Variants in QSER1 observed in about 807,000 individuals in gnomAD.
QSER1 encodes the protein glutamine and serine rich 1, also known as glutamine and serine-rich protein 1.
In QSER1, 49 loss-of-function variants were observed where a neutral mutation model predicts 158.5. The observed-to-expected ratio is 0.31, with a 90% confidence interval of 0.25 to 0.39. The LOEUF (loss-of-function observed/expected upper bound fraction) is 0.39. Ranked by LOEUF, QSER1 falls within the 10% of genes least tolerant of loss-of-function variation. The pLI is 1.00. For synonymous variants in QSER1, 650 were observed against 715.5 expected (o/e 0.91, Z 1.46); for missense variants, 1,754 against 2,010.3 (o/e 0.87, Z 2.44).
chr11:32,952,740 A>T (rs1852443626), intron 4 of QSER1, among the ~76,000 whole-genome samples: 1 of 150,832 alleles, frequency 6.6e-6, no homozygotes. Context: ...GGGATGTTTT[A>T]AAATTACTTT....
At chr11:32,967,437 C>G (rs571357929) in intron 9 of QSER1, among the ~76,000 whole-genome samples, 2 of 152,198 alleles carry the variant, frequency 1.3e-5, no homozygotes. Flanking sequence ...ACAGCTCATC[C>G]ATGTAACCCA....
intron 2 of QSER1, 100 bp from the exon 3 acceptor site, chr11:32,927,862 G>C (rs1851994385): frequency 2.3e-6 from 1 of 428,252 alleles, no homozygotes; most frequent in African/African-American, 2.0e-5. Flanking sequence ...GAATGTTTTG[G>C]CCTTAATTTT....
intron 4 of QSER1, among the ~76,000 whole-genome samples, chr11:32,948,749 A>G (rs940399199): frequency 6.6e-6 from 1 of 152,144 alleles, no homozygotes; most frequent in African/African-American, 2.4e-5. Context: ...TTTTAAAAAA[A>G]TTTTGCTTTT....
intron 4 of QSER1, among the ~76,000 whole-genome samples, chr11:32,948,710 TTCCCTC>T (rs1378395218): frequency 6.6e-6 from 1 of 152,220 alleles, no homozygotes; most frequent in Non-Finnish European, 1.5e-5. Context: ...TTGATGAACT[TTCCCTC>T]TACTAGAAGT....
intron 4 of QSER1, among the ~76,000 whole-genome samples, chr11:32,952,265 T>C (rs1564941660): frequency 6.6e-6 from 1 of 152,242 alleles, no homozygotes; most frequent in African/African-American, 2.4e-5. Context: ...ACTGATTTTT[T>C]CTAAATGTCC....
intron 10 of QSER1, 64 bp from the exon 11 acceptor site, chr11:32,973,333 T>C (rs1326339364): frequency 9.1e-6 from 14 of 1,535,496 alleles, no homozygotes; most frequent in South Asian, 3.5e-5. Flanking sequence ...AAATTTTAGA[T>C]AGCTAGAAGT....
At chr11:32,953,004 T>C (rs1297529107) in intron 4 of QSER1, among the ~76,000 whole-genome samples, 1 of 152,002 alleles carries the variant, frequency 6.6e-6, no homozygotes, top group East Asian at 1.9e-4. Context: ...GGTTTCACCA[T>C]GTTGGTCAGG....
chr11:32,898,082 C>G (rs747670163), intron 1 of QSER1, among the ~76,000 whole-genome samples: 1 of 152,190 alleles, frequency 6.6e-6, no homozygotes, highest in Non-Finnish European at 1.5e-5. Context: ...TCTTCTTATA[C>G]CATCCAGAGT....
intron 1 of QSER1, among the ~76,000 whole-genome samples, chr11:32,911,735 T>C (rs1055376440): frequency 6.6e-6 from 1 of 152,232 alleles, no homozygotes; most frequent in African/African-American, 2.4e-5. Context: ...TCTGCCATGA[T>C]TGTAAGTTTC....
intron 1 of QSER1, among the ~76,000 whole-genome samples, chr11:32,914,738 C>T (rs1380625531): frequency 6.6e-6 from 1 of 152,178 alleles, no homozygotes; most frequent in Non-Finnish European, 1.5e-5. Flanking sequence ...TTTTATCTTA[C>T]AGTCATATAC....
intron 3 of QSER1, among the ~76,000 whole-genome samples, chr11:32,929,853 G>T (rs894632593): frequency 3.9e-5 from 6 of 152,178 alleles, no homozygotes; most frequent in African/African-American, 1.4e-4. Context: ...AAGTGAGAAA[G>T]ATCTTTTATC....
rs751977700 is a variant in QSER1 at position 32,934,738 on chromosome 11, C to T, written c.3480C>T (p.Asp1160=). ...GTGAATTTACCTTAGGGGGTGACGA[C>T]AGTGGTGTGTCAATGAACCCAGCTA... is the stretch of plus-strand genomic sequence containing the variant. ...SESEFTLGGD[D]SGVSMNPARS... The change falls in exon 4 of 13, where the codon GAC becomes GAT. Residue 1160 remains aspartate (D), a synonymous_variant. Coordinates refer to ENST00000650167, the MANE Select transcript of QSER1 (RefSeq NM_001076786.3). 2 of 1,613,804 alleles carry T rather than the reference C, an allele frequency of 1.2e-6. No individual in the cohort carries two copies. The highest frequency in any genetic ancestry group is 1.1e-5 in the South Asian group (1 of 91,038).
Position 32,933,248 on chromosome 11 carries a change from A to G in QSER1, c.1990A>G (p.Asn664Asp). ...ASSTHCQTLQNNITSPDPKSY... is the reference protein window; with the variant it reads ...ASSTHCQTLQDNITSPDPKSY... ...CTCTACTCATTGTCAGACATTACAA[A>G]ATAACATAACTTCCCCTGACCCAAA... The change falls in exon 4 of 13, where the codon AAT becomes GAT. Residue 664 changes from asparagine to aspartate, a missense_variant. By Grantham distance (23) the Asn-to-Asp change is conservative (BLOSUM62 1). Coordinates refer to ENST00000650167, the MANE Select transcript of QSER1 (RefSeq NM_001076786.3). 6.2e-7 allele frequency: 1 copy of G among 1,613,684 alleles called. No homozygotes were observed. Among genetic ancestry groups the G allele is most frequent in the Non-Finnish European group, 8.5e-7 (1 of 1,179,928 alleles).
At chr11:32,945,333 G>A (rs1298066529) in intron 4 of QSER1, among the ~76,000 whole-genome samples, 2 of 151,948 alleles carry the variant, frequency 1.3e-5, no homozygotes, top group East Asian at 1.9e-4. Flanking sequence ...TCCCAGTCTC[G>A]ATGGTCTTTA....
intron 8 of QSER1, among the ~76,000 whole-genome samples, chr11:32,960,592 A>C (rs998586259): frequency 2.0e-5 from 3 of 152,164 alleles, no homozygotes; most frequent in Non-Finnish European, 4.4e-5. Context: ...TATAATCAGA[A>C]TAGGTAAGGA....
chr11:32,967,192 C>A (rs760015538), intron 9 of QSER1, among the ~76,000 whole-genome samples: 9 of 152,116 alleles, frequency 5.9e-5, no homozygotes, highest in Non-Finnish European at 1.3e-4. Context: ...TTGGGTGGAA[C>A]TGGAGGTCAT....
intron 1 of QSER1, among the ~76,000 whole-genome samples, chr11:32,896,404 G>A (rs1288527239): frequency 6.6e-6 from 1 of 152,146 alleles, no homozygotes. Context: ...GCCCAGGCTG[G>A]AGTGCAACGG....
rs1852063550 is a variant in QSER1, at chr11:32,932,413, C to G, written c.1155C>G (p.Val385=). ...GATTACAACAGAAGACCTCCCAGGT[C>G]TCAGTGGAACTTGCTCAGTCTTACT... The part of the protein sequence containing the change: ...NGGLQQKTSQ[V]SVELAQSYSS... The change falls in exon 4 of 13, where the codon GTC becomes GTG. Residue 385 remains valine (V), a synonymous_variant. Transcript: ENST00000650167. 1 of 1,612,862 alleles carries G rather than the reference C, an allele frequency of 6.2e-7. No homozygotes were observed. The highest frequency in any genetic ancestry group is 8.5e-7 in the Non-Finnish European group (1 of 1,179,956).
Position 32,957,909 on chromosome 11 carries a change from G to T in QSER1, c.4792G>T (p.Asp1598Tyr), listed in dbSNP as rs1468883947. The T allele has an allele frequency of 6.2e-7, 1 of 1,614,070 alleles. No homozygotes were observed. The highest frequency in any genetic ancestry group is 2.2e-5 in the East Asian group (1 of 44,856). Residue 1598 changes from aspartate (D) to tyrosine (Y), a missense_variant, in exon 8 of 13, where the codon GAT (aspartate) becomes TAT (tyrosine). Asp to Tyr is a radical substitution (Grantham distance 160). Transcript: ENST00000650167. ...GCCAAGTAGTAGCAGTAAAACTTCT[G>T]ATCCTCTAGCATCAAAAACTACAAC... ...AKPSSSSKTS[D>Y]PLASKTTTTK...
Sources: allele counts gnomAD v4.1 joint callset (sites outside exome capture counted in the v4.1 genomes callset), GRCh38; gene constraint gnomAD v4.1.1; transcripts MANE v1.5; gene names NCBI Gene and HGNC (gene_info 2026-07-23, HGNC 2026-07-21).